Variants in PLIN1 observed in about 807,000 individuals in gnomAD.
The protein encoded by PLIN1 is perilipin 1.
PLIN1 carries 37 observed loss-of-function variants against 45.8 expected under a neutral mutation model. That is an observed-to-expected ratio of 0.81 (90% CI 0.62 to 1.06). The LOEUF is 1.06. Ranked by LOEUF, PLIN1 falls within the 50% of genes least tolerant of loss-of-function variation. The pLI, the probability that PLIN1 is intolerant of heterozygous loss-of-function variation, is 0.00. For missense variants in PLIN1, 776 were observed against 716.5 expected, an observed-to-expected ratio of 1.08 and a Z score of -0.95; for synonymous variants, 340 against 309.2, an observed-to-expected ratio of 1.10 and a Z score of -1.05.
At position 89,670,236 on chromosome 15, in the gene PLIN1, A is replaced by G; in HGVS notation, c.342T>C (p.Ser114=). Residue 114 remains serine (S), a synonymous_variant, in exon 5 of 9, where the codon TCT becomes TCC. Transcript: ENST00000300055. ...GGGTGGAGATGGTGTCCTTCAGCTC[A>G]GAAGCAATCTGGGGGAAGTTGGTGG... ...ALQYPPEKIA[S]ELKDTISTRL... is the part of the protein sequence containing the mutation. 1.2e-6 allele frequency: 2 copies of G among 1,611,302 alleles called. No individual in the cohort carries two copies. The highest frequency in any genetic ancestry group is 1.7e-6 in the Non-Finnish European group (2 of 1,178,008).
intron 1 of PLIN1, among the ~76,000 whole-genome samples, chr15:89,678,464 C>T (rs1002757879): frequency 2.6e-5 from 4 of 151,636 alleles, no homozygotes; most frequent in Non-Finnish European, 4.4e-5. Flanking sequence ...GAGCTGAGAT[C>T]CTGCCACTGC....
Position 89,677,459 on chromosome 15 carries a change from C to G in PLIN1, c.31G>C (p.Asp11His). The change falls in exon 2 of 9, where the codon GAT becomes CAT. Residue 11 changes from aspartate (D) to histidine (H), a missense_variant. Transcript: ENST00000300055. MAVNKGLTLLDGDLPEQENVL... is the reference protein window; with the variant it reads MAVNKGLTLLHGDLPEQENVL... ...AAGTTACTTACAGGGAGGTCTCCAT[C>G]CAGCAAGGTGAGGCCTTTGTTGACT... The G allele has an allele frequency of 6.2e-7, 1 of 1,613,970 alleles. No homozygotes were observed. The highest frequency in any genetic ancestry group is 1.1e-5 in the South Asian group (1 of 91,076).
At chr15:89,666,294 G>A (rs1328893374) in intron 8 of PLIN1, among the ~76,000 whole-genome samples, 2 of 152,288 alleles carry the variant, frequency 1.3e-5, no homozygotes, top group South Asian at 2.1e-4. Flanking sequence ...CCTGGGGCTG[G>A]CCCGAGCGCA....
chr15:89,678,591 G>T (rs952446603), intron 1 of PLIN1, among the ~76,000 whole-genome samples: 2 of 151,958 alleles, frequency 1.3e-5, no homozygotes, highest in Admixed American at 6.6e-5. Context: ...AAATCTTAAG[G>T]CTCTTAAATG....
rs148538955 is a variant in PLIN1, at chr15:89,673,522, C to T, written c.46-108G>A. 80 of 882,558 alleles carry T rather than the reference C, an allele frequency of 9.1e-5. No individual in the cohort carries two copies. The African/African-American group carries it at 1.0e-3, about 11-fold the overall frequency. 54.7% of individuals were successfully genotyped at this position (882,558 alleles called of 1,614,324 possible). On this transcript the variant is annotated intron_variant, in intron 2 of 8. Transcript: ENST00000300055. Reference sequence around the variant, plus strand: ...ATGGTGCAACTAGCCTGAGTCCAAGCGACCTGGGAGGAACCAAGGCCAAAG... The same window carrying T: ...ATGGTGCAACTAGCCTGAGTCCAAGTGACCTGGGAGGAACCAAGGCCAAAG...
rs187977379 is a variant in PLIN1 at position 89,667,883 on chromosome 15, C to A, written c.772-90G>T. ...AGCCCAAGCCCCTCGCCCCCAGGGTCCGGGCCAGGTGGTGAGCAGGGCTCA... is the reference window on the plus strand; with the variant it reads ...AGCCCAAGCCCCTCGCCCCCAGGGTACGGGCCAGGTGGTGAGCAGGGCTCA... On this transcript the variant is annotated intron_variant, in intron 6 of 8. Coordinates refer to ENST00000300055, the MANE Select transcript of PLIN1 (RefSeq NM_002666.5). 697 of 1,525,688 alleles carry A rather than the reference C, an allele frequency of 4.6e-4. 4 individuals carry two copies. The East Asian group carries it at 0.012, about 27-fold the overall frequency. 94.5% of individuals were successfully genotyped at this position (1,525,688 alleles called of 1,614,324 possible). A position where few individuals can be genotyped will look rare whatever the true frequency, so the allele number is the denominator to read the frequency against.
chr15:89,667,207 C>T (rs776901006), intron 7 of PLIN1, 26 bp from the exon 8 acceptor site: 2 of 1,611,840 alleles, frequency 1.2e-6, no homozygotes, highest in Non-Finnish European at 1.7e-6. Flanking sequence ...GGGTCAGTGC[C>T]TCCTGTGGTA....
chr15:89,677,878 G>C (rs1380527225), intron 1 of PLIN1: 1 of 181,042 alleles, frequency 5.5e-6, no homozygotes, highest in Non-Finnish European at 1.2e-5. Context: ...AGCCTCCCAA[G>C]TAGCTGGGAT....
At chr15:89,666,002 C>T in intron 8 of PLIN1, 60 bp from the exon 9 acceptor site, 2 of 1,263,158 alleles carry the variant, frequency 1.6e-6, no homozygotes, top group East Asian at 3.2e-5. Flanking sequence ...CGCCTCTGAC[C>T]CACCGCCCCT....
At chr15:89,667,205 G>C (rs1168088476) in intron 7 of PLIN1, 24 bp from the exon 8 acceptor site, 1 of 1,611,870 alleles carries the variant, frequency 6.2e-7, no homozygotes. Flanking sequence ...CAGGGTCAGT[G>C]CCTCCTGTGG....
intron 8 of PLIN1, among the ~76,000 whole-genome samples, chr15:89,666,382 C>G (rs565233320): frequency 2.0e-5 from 3 of 152,268 alleles, no homozygotes; most frequent in East Asian, 3.9e-4. Context: ...CTTACCAGCT[C>G]TAAGGGTGCT....
Position 89,665,427 on chromosome 15 carries a change from TAAAAA to T in PLIN1, c.*151_*155del, listed in dbSNP as rs1567074489. 37 of 512,906 alleles carry T rather than the reference TAAAAA, an allele frequency of 7.2e-5. No individual in the cohort carries two copies. In the South Asian group the frequency reaches 2.2e-3, roughly 31 times the overall value. 31.8% of individuals were successfully genotyped at this position (512,906 alleles called of 1,614,324 possible). ...TGCTAAAAAAAAAATAAAAATAAAA[TAAAAA>T]TAAAAAGTGCGCCTTGGCAGCATCA... On this transcript the variant is annotated 3_prime_UTR_variant, in exon 9 of 9. Transcript: ENST00000300055.
intron 2 of PLIN1, among the ~76,000 whole-genome samples, chr15:89,674,111 G>T (rs1045895140): frequency 3.3e-5 from 5 of 152,204 alleles, no homozygotes; most frequent in Non-Finnish European, 7.3e-5. Context: ...AATATTAGCT[G>T]AATACGTGAA....
intron 7 of PLIN1, 131 bp downstream of exon 7, chr15:89,667,471 G>T: frequency 1.4e-6 from 2 of 1,381,340 alleles, no homozygotes; most frequent in Non-Finnish European, 2.1e-6. Context: ...ATTTGGGGGT[G>T]GGGTGAAGGG....
chr15:89,678,855 C>G (rs929369925), intron 1 of PLIN1, among the ~76,000 whole-genome samples: 5 of 152,060 alleles, frequency 3.3e-5, no homozygotes, highest in Admixed American at 6.5e-5. Flanking sequence ...CTCTCCCTAT[C>G]TGTTTTTTGA....
intron 2 of PLIN1, among the ~76,000 whole-genome samples, chr15:89,676,287 T>G (rs1004772804): frequency 1.3e-5 from 2 of 152,166 alleles, no homozygotes; most frequent in South Asian, 2.1e-4. Flanking sequence ...TCTCGCTGTC[T>G]CCCAGGCTGG....
chr15:89,668,131 C>T (rs947800360), intron 6 of PLIN1, among the ~76,000 whole-genome samples: 4 of 152,186 alleles, frequency 2.6e-5, no homozygotes, highest in Non-Finnish European at 4.4e-5. Flanking sequence ...TGTCACCATG[C>T]CTTAGTTTTG....
At chr15:89,676,454 A>G (rs563797333) in intron 2 of PLIN1, among the ~76,000 whole-genome samples, 62 of 152,168 alleles carry the variant, frequency 4.1e-4, no homozygotes, top group Admixed American at 7.9e-4. Flanking sequence ...TCACTGTGTT[A>G]GCCAGGATGG....
In PLIN1 at chr15:89,673,210, A is replaced by G. The variant is rs1457173401; in HGVS notation, c.250T>C (p.Phe84Leu). The part of the protein sequence containing the change: ...EPVVRRLSTQ[F>L]TAANELACRG... ...GCTGCTGAGCGCCGCAAGGACTCAC[A>G]CTGGGTGGACAGCCTGCGGACCACC... The change falls in exon 3 of 9, where the codon TTC (phenylalanine) becomes CTC (leucine). Residue 84 changes from phenylalanine to leucine, a missense_variant and splice_region_variant. Transcript: ENST00000300055. 2 of 1,561,304 alleles carry G rather than the reference A, an allele frequency of 1.3e-6. No individual in the cohort carries two copies. The highest frequency in any genetic ancestry group is 2.0e-4 in the Middle Eastern group (1 of 5,028).
Sources: gnomAD v4.1 joint callset for allele counts (sites outside exome capture counted in the v4.1 genomes callset) on GRCh38, gnomAD v4.1.1 for gene constraint, MANE v1.5 for transcripts, NCBI Gene and HGNC (gene_info 2026-07-23, HGNC 2026-07-21) for gene names.